Variants in AP4E1 observed in about 807,000 individuals in gnomAD.
The protein encoded by AP4E1 is adaptor related protein complex 4 subunit epsilon 1.
In AP4E1, 56 loss-of-function variants were observed where a neutral mutation model predicts 128.2. That is an observed-to-expected ratio of 0.44 (90% CI 0.35 to 0.55). The LOEUF (loss-of-function observed/expected upper bound fraction) is 0.55. Among genes scored for constraint, AP4E1 ranks in the 20% least tolerant of loss-of-function variants. The pLI, the probability that AP4E1 is intolerant of heterozygous loss-of-function variation, is 0.00. For missense variants in AP4E1, 1,324 were observed against 1,307.7 expected, an observed-to-expected ratio of 1.01 and a Z score of -0.19; for synonymous variants, 484 against 473.1, an observed-to-expected ratio of 1.02 and a Z score of -0.30.
chr15:50,953,030 A>T (rs1490815794), intron 13 of AP4E1, among the ~76,000 whole-genome samples: 1 of 152,154 alleles, frequency 6.6e-6, no homozygotes, highest in African/African-American at 2.4e-5. Context: ...CAGCTTGGGC[A>T]ACAAAGTGAG....
intron 3 of AP4E1, 118 bp from the exon 4 acceptor site, chr15:50,923,812 TG>T: frequency 1.3e-6 from 1 of 745,634 alleles, no homozygotes; most frequent in Non-Finnish European, 2.3e-6. Flanking sequence ...TTTTGCAATT[TG>T]TGTTTCTGTT....
chr15:50,950,198 T>G (rs2064130373), intron 13 of AP4E1, 29 bp downstream of exon 13: 1 of 1,424,418 alleles, frequency 7.0e-7, no homozygotes, highest in Non-Finnish European at 9.8e-7. Flanking sequence ...ATCATAAATT[T>G]TTATAACATT....
chr15:50,988,359 G>C (rs2064757695), intron 16 of AP4E1, among the ~76,000 whole-genome samples: 1 of 151,766 alleles, frequency 6.6e-6, no homozygotes, highest in African/African-American at 2.4e-5. Flanking sequence ...TTATTGCCTA[G>C]GCTGGAGTGC....
chr15:50,973,863 G>T (rs2064516686), intron 15 of AP4E1, among the ~76,000 whole-genome samples: 1 of 152,184 alleles, frequency 6.6e-6, no homozygotes, highest in African/African-American at 2.4e-5. Flanking sequence ...TATGAATAGT[G>T]CTGCAGTGAA....
chr15:50,952,520 A>C, intron 13 of AP4E1, among the ~76,000 whole-genome samples: 1 of 151,916 alleles, frequency 6.6e-6, no homozygotes, highest in East Asian at 1.9e-4. Flanking sequence ...AAAAAAAAAA[A>C]AAAAAAGAAG....
intron 2 of AP4E1, among the ~76,000 whole-genome samples, chr15:50,913,463 A>C (rs1448138868): frequency 1.3e-5 from 2 of 152,246 alleles, no homozygotes; most frequent in African/African-American, 4.8e-5. Context: ...GCAGAGTTTG[A>C]AAGGAAGGTT....
Position 50,930,978 on chromosome 15 carries a change from T to G in AP4E1, c.869+7T>G. ...TAGGAAAAGATGATCAAAGGTAAAC[T>G]ATTTTCAGTAAGTTTGCTTAATGAC... On this transcript the variant is annotated splice_region_variant and intron_variant, in intron 7 of 20. Transcript: ENST00000261842. 1.9e-6 allele frequency: 3 copies of G among 1,614,080 alleles called. No homozygotes were observed. The highest frequency in any genetic ancestry group is 1.7e-6 in the Non-Finnish European group (2 of 1,179,980).
chr15:50,945,815 C>G, intron 10 of AP4E1: 2 of 772,108 alleles, frequency 2.6e-6, no homozygotes, highest in South Asian at 1.4e-5. Context: ...CAGCATCATC[C>G]TGATATAAAA....
At chr15:50,942,598 G>T (rs2064002771) in intron 10 of AP4E1, among the ~76,000 whole-genome samples, 1 of 149,374 alleles carries the variant, frequency 6.7e-6, no homozygotes, top group Non-Finnish European at 1.5e-5. Flanking sequence ...CATCATATAT[G>T]TCTGTATATT....
At chr15:50,954,283 C>T (rs1023180881) in intron 13 of AP4E1, among the ~76,000 whole-genome samples, 1 of 152,052 alleles carries the variant, frequency 6.6e-6, no homozygotes, top group Non-Finnish European at 1.5e-5. Flanking sequence ...TGGGAATGTG[C>T]CCTCCTATTT....
chr15:50,973,136 A>G (rs2064505074), intron 15 of AP4E1, among the ~76,000 whole-genome samples: 1 of 152,182 alleles, frequency 6.6e-6, no homozygotes, highest in Non-Finnish European at 1.5e-5. Flanking sequence ...GTGAATAAAT[A>G]TATTATCTGT....
chr15:50,975,131 C>T (rs1305827952), intron 15 of AP4E1, among the ~76,000 whole-genome samples: 7 of 152,144 alleles, frequency 4.6e-5, no homozygotes, highest in Non-Finnish European at 7.4e-5. Flanking sequence ...ACCAGCTGGG[C>T]GCGGTGGCTC....
intron 7 of AP4E1, among the ~76,000 whole-genome samples, chr15:50,933,712 A>G (rs2063866033): frequency 1.3e-5 from 2 of 152,168 alleles, no homozygotes; most frequent in Admixed American, 1.3e-4. Context: ...TTCAGTCAAG[A>G]CAGAATGAAA....
chr15:50,985,547 G>A (rs1396390549), intron 16 of AP4E1, among the ~76,000 whole-genome samples: 2 of 152,224 alleles, frequency 1.3e-5, no homozygotes, highest in African/African-American at 4.8e-5. Flanking sequence ...AGTTTTCCCA[G>A]CACCATTTAT....
chr15:50,990,009 G>A (rs1298032585), intron 16 of AP4E1, among the ~76,000 whole-genome samples: 1 of 152,126 alleles, frequency 6.6e-6, no homozygotes, highest in Non-Finnish European at 1.5e-5. Flanking sequence ...GAATAAAGTA[G>A]TAGCAAGTCT....
At chr15:50,947,999 T>A (rs1317086271) in intron 10 of AP4E1, 21 bp from the exon 11 acceptor site, 3 of 1,545,942 alleles carry the variant, frequency 1.9e-6, no homozygotes, top group Non-Finnish European at 2.7e-6. Flanking sequence ...ATATTGTTTT[T>A]AATTTTTCTT....
chr15:50,924,985 T>G (rs1255235158), intron 4 of AP4E1, 113 bp from the exon 5 acceptor site: 1 of 1,276,062 alleles, frequency 7.8e-7, no homozygotes, highest in Non-Finnish European at 1.1e-6. Flanking sequence ...ATGTACAAAT[T>G]AATTATAAAT....
chr15:50,944,287 A>G (rs1005515348), intron 10 of AP4E1, among the ~76,000 whole-genome samples: 2 of 152,136 alleles, frequency 1.3e-5, no homozygotes, highest in Admixed American at 6.6e-5. Flanking sequence ...CCTTTTTACC[A>G]GGTTTTATTA....
rs1378825663 is a variant in AP4E1 at position 50,920,561 on chromosome 15, C to T, written c.347-3370C>T. 2.6e-5 allele frequency among the ~76,000 whole-genome samples: 4 copies of T among 151,108 alleles called. No homozygotes were observed. The East Asian group carries it at 5.9e-4, about 22-fold the overall frequency. Reference sequence around the variant, plus strand: ...AGCTGAGACTACAGGTGCGTGCCACCGTGCCTGGCTAATTTTTTGGTAGGG... The same window carrying T: ...AGCTGAGACTACAGGTGCGTGCCACTGTGCCTGGCTAATTTTTTGGTAGGG... On this transcript the variant is annotated intron_variant, in intron 3 of 20. Coordinates refer to ENST00000261842, the MANE Select transcript of AP4E1 (RefSeq NM_007347.5).
Sources: allele counts gnomAD v4.1 joint callset (sites outside exome capture counted in the v4.1 genomes callset), GRCh38; gene constraint gnomAD v4.1.1; transcripts MANE v1.5; gene names NCBI Gene and HGNC (gene_info 2026-07-23, HGNC 2026-07-21).